PRKX: variants seen among roughly 807,000 people sequenced by gnomAD.
The protein encoded by PRKX is cAMP-dependent protein kinase catalytic subunit PRKX.
A neutral mutation model predicts 22.0 loss-of-function variants in PRKX; 12 were observed. The observed-to-expected ratio is 0.54, with a 90% CI of 0.35 to 0.88. PRKX has a LOEUF of 0.88. PRKX is among the 40% of genes least tolerant of loss of function. The pLI is 0.01. For synonymous variants in PRKX, 134 were observed against 137.7 expected, an observed-to-expected ratio of 0.97 and a Z score of 0.19; for missense variants, 217 against 308.0, an observed-to-expected ratio of 0.70 and a Z score of 2.21.
chrX:3,661,869 A>G (rs2034462364), intron 2 of PRKX, among the ~76,000 whole-genome samples: 1 of 111,867 alleles, frequency 8.9e-6, no homozygotes, highest in Non-Finnish European at 1.9e-5. Context: ...CAAGTCTATA[A>G]AAGTTCAAAA....
intron 6 of PRKX, among the ~76,000 whole-genome samples, chrX:3,617,143 TAC>T (rs1174909961): frequency 1.4e-5 from 1 of 72,742 alleles, no homozygotes; most frequent in African/African-American, 6.3e-5. Context: ...TATTTATATA[TAC>T]ACATACTTAT....
intron 3 of PRKX, among the ~76,000 whole-genome samples, chrX:3,652,250 C>A (rs751754903): frequency 3.7e-4 from 41 of 110,724 alleles, no homozygotes; most frequent in African/African-American, 1.3e-3. Context: ...AATCCCGTCT[C>A]TACTAAAAAT....
intron 1 of PRKX, among the ~76,000 whole-genome samples, chrX:3,676,080 G>A (rs1456004513): frequency 9.0e-6 from 1 of 111,424 alleles, no homozygotes; most frequent in East Asian, 2.8e-4. Context: ...TGCCTTTGAC[G>A]TACCTTGATC....
rs138430325 is a variant in PRKX, at chrX:3,679,036, C to T, written c.167-4270G>A. 7.7e-3 allele frequency among the ~76,000 whole-genome samples: 855 copies of T among 111,621 alleles called. 6 individuals carry two copies. The highest frequency in any genetic ancestry group is 0.027 in the African/African-American group (819 of 30,714). On this transcript the variant is annotated intron_variant, in intron 1 of 8. Coordinates refer to ENST00000262848, the MANE Select transcript of PRKX (RefSeq NM_005044.5). ...CCAAGCTAAGTAGTAGTGTTATGCA[C>T]GAGGGAAATCAGATGTGGAGTTTAT...
At chrX:3,629,195 A>G (rs931521872) in intron 4 of PRKX, among the ~76,000 whole-genome samples, 7 of 111,273 alleles carry the variant, frequency 6.3e-5, no homozygotes, top group African/African-American at 2.3e-4. Context: ...GCCTGCTTGC[A>G]CGGCACTATA....
chrX:3,634,860 GTTTA>G (rs1042920375), intron 4 of PRKX, among the ~76,000 whole-genome samples: 1 of 110,746 alleles, frequency 9.0e-6, no homozygotes, highest in African/African-American at 3.3e-5. Flanking sequence ...CAGCTAATTG[GTTTA>G]TTTATTTCAT....
chrX:3,689,841 G>C (rs1928278353), intron 1 of PRKX, among the ~76,000 whole-genome samples: 2 of 111,466 alleles, frequency 1.8e-5, no homozygotes, highest in Admixed American at 1.9e-4. Context: ...GCCGAGTGTG[G>C]TGGCGGAAGC....
intron 1 of PRKX, among the ~76,000 whole-genome samples, chrX:3,709,852 G>A (rs926901971): frequency 9.1e-6 from 1 of 110,153 alleles, no homozygotes; most frequent in African/African-American, 3.3e-5. Context: ...ACGGTGGCGC[G>A]ATTGTGGTTG....
intron 5 of PRKX, among the ~76,000 whole-genome samples, chrX:3,625,469 T>C (rs1352985416): frequency 8.9e-6 from 1 of 112,451 alleles, no homozygotes; most frequent in East Asian, 2.8e-4. Context: ...GGTGCACCCA[T>C]CAACTCATCT....
intron 3 of PRKX, among the ~76,000 whole-genome samples, chrX:3,652,461 G>A: frequency 9.2e-6 from 1 of 108,426 alleles, no homozygotes; most frequent in Non-Finnish European, 1.9e-5. Context: ...GCGGGCACCT[G>A]TAATCCCAGC....
At chrX:3,674,853 A>T in intron 1 of PRKX, 87 bp from the exon 2 acceptor site, 1 of 1,070,123 alleles carries the variant, frequency 9.3e-7, no homozygotes, top group South Asian at 1.9e-5. Flanking sequence ...GGGGGGCTGC[A>T]CCAGGACGGC....
intron 4 of PRKX, among the ~76,000 whole-genome samples, chrX:3,640,750 A>G (rs1469469983): frequency 1.8e-5 from 2 of 111,751 alleles, no homozygotes; most frequent in African/African-American, 3.3e-5. Context: ...GTCACAGGAC[A>G]AGATAGGAGG....
chrX:3,653,571 G>A (rs1390401528), intron 3 of PRKX, among the ~76,000 whole-genome samples: 1 of 98,886 alleles, frequency 1.0e-5, no homozygotes, highest in Non-Finnish European at 2.0e-5. Context: ...ATGTCATATA[G>A]TATGATATAG....
intron 4 of PRKX, among the ~76,000 whole-genome samples, chrX:3,637,064 G>GGA (rs113201179): frequency 9.1e-5 from 9 of 99,118 alleles, no homozygotes; most frequent in Non-Finnish European, 1.0e-4. Flanking sequence ...AAGGGAGGAA[G>GGA]GAGAGAGAGA....
intron 4 of PRKX, among the ~76,000 whole-genome samples, chrX:3,635,972 C>T (rs1276785983): frequency 8.9e-5 from 10 of 111,863 alleles, no homozygotes; most frequent in Admixed American, 4.8e-4. Context: ...TGGAAGAAAT[C>T]GGAGCTGAGC....
intron 8 of PRKX, 69 bp downstream of exon 8, chrX:3,612,108 C>T: frequency 1.9e-6 from 2 of 1,039,626 alleles, no homozygotes; most frequent in South Asian, 4.5e-5. Context: ...ACTCAGTAAA[C>T]GCAGCCTCAC....
intron 2 of PRKX, among the ~76,000 whole-genome samples, chrX:3,663,451 CACACACACACACACACAA>C (rs1376058775): frequency 1.0e-3 from 82 of 79,032 alleles, no homozygotes; most frequent in South Asian, 7.2e-4. Flanking sequence ...CACACACACA[CACACACACACACACACAA>C]AAAAATTCAA....
chrX:3,642,265 G>T (rs190719214), intron 3 of PRKX, among the ~76,000 whole-genome samples: 236 of 109,920 alleles, frequency 2.1e-3, no homozygotes, highest in African/African-American at 6.8e-3. Context: ...CATTTTTTTT[G>T]AGTTATTTAT....
intron 5 of PRKX, among the ~76,000 whole-genome samples, chrX:3,623,587 A>G (rs919434568): frequency 2.7e-5 from 3 of 110,491 alleles, no homozygotes; most frequent in Admixed American, 9.7e-5. Flanking sequence ...ACCAAAGCAA[A>G]CTCTTATAAA....
Sources: gnomAD v4.1 joint callset for allele counts (sites outside exome capture counted in the v4.1 genomes callset) on GRCh38, gnomAD v4.1.1 for gene constraint, MANE v1.5 for transcripts, NCBI Gene and HGNC (gene_info 2026-07-23, HGNC 2026-07-21) for gene names.